MLLT1: variants seen among roughly 807,000 people sequenced by gnomAD.
The protein encoded by MLLT1 is MLLT1 super elongation complex subunit.
A neutral mutation model predicts 55.1 loss-of-function variants in MLLT1; 11 were observed. That is an observed-to-expected ratio of 0.20 (90% confidence interval 0.13 to 0.33). The LOEUF (loss-of-function observed/expected upper bound fraction) is 0.33. Ranked by LOEUF, MLLT1 falls within the 10% of genes least tolerant of loss-of-function variation. The pLI is 1.00. For missense variants in MLLT1, 536 were observed against 760.6 expected, an observed-to-expected ratio of 0.70 and a Z score of 3.47; for synonymous variants, 323 against 320.1, an observed-to-expected ratio of 1.01 and a Z score of -0.10.
At chr19:6,278,853 C>G (rs1169027440) in intron 1 of MLLT1, among the ~76,000 whole-genome samples, 4 of 152,080 alleles carry the variant, frequency 2.6e-5, no homozygotes, top group Admixed American at 2.6e-4. Flanking sequence ...GGAGAGTGAC[C>G]AGGGCCTGAA....
In MLLT1 at chr19:6,226,764, CAGGGCAA is replaced by C. The variant is rs2090960531; in HGVS notation, c.546+206_546+212del. ...GCAGGGTCTCTGGCCTCAAGATGAA[CAGGGCAA>C]AGAGCCCATGATCACGGGCTTATTC... On this transcript the variant is annotated intron_variant, in intron 5 of 11. Transcript: ENST00000252674. This position sits in a 1 kb window ranked among gnomAD's most constrained non-coding sequence, Gnocchi z 6.3. Among the ~76,000 whole-genome samples, 1 of 152,160 alleles carries C rather than the reference CAGGGCAA, an allele frequency of 6.6e-6. No homozygotes were observed. The highest frequency in any genetic ancestry group is 2.4e-5 in the African/African-American group (1 of 41,458).
chr19:6,265,097 C>T (rs2091339192), intron 2 of MLLT1, among the ~76,000 whole-genome samples: 1 of 135,722 alleles, frequency 7.4e-6, no homozygotes, highest in South Asian at 2.3e-4. Context: ...AAGCAAGCGT[C>T]CTAAAAACAT....
chr19:6,267,370 C>G (rs149881948), intron 2 of MLLT1, among the ~76,000 whole-genome samples: 3,090 of 149,890 alleles, frequency 0.021, 104 homozygotes, highest in East Asian at 0.13. Context: ...TCCCAAAGTG[C>G]TGGCATGAAC....
At chr19:6,267,380 C>T (rs1482244182) in intron 2 of MLLT1, among the ~76,000 whole-genome samples, 1 of 143,686 alleles carries the variant, frequency 7.0e-6, no homozygotes, top group East Asian at 2.1e-4. Context: ...CTGGCATGAA[C>T]CACCGCACCC....
intron 1 of MLLT1, among the ~76,000 whole-genome samples, chr19:6,274,152 C>G (rs1178107398): frequency 6.6e-6 from 1 of 152,218 alleles, no homozygotes; most frequent in Non-Finnish European, 1.5e-5. Flanking sequence ...GGGTGCCCGG[C>G]CTGCTGCACC....
intron 3 of MLLT1, among the ~76,000 whole-genome samples, chr19:6,243,663 G>GC (rs11445393): frequency 0.43 from 64,735 of 151,852 alleles, 17,726 homozygotes; most frequent in African/African-American, 0.78. Flanking sequence ...ACTCGCCCCA[G>GC]CCCCGCTTCA....
chr19:6,218,735 G>A (rs1374415790), intron 6 of MLLT1, among the ~76,000 whole-genome samples: 2 of 152,232 alleles, frequency 1.3e-5, no homozygotes, highest in South Asian at 2.1e-4. Flanking sequence ...TGCAGGGCAG[G>A]CGTGTATGGG....
At chr19:6,254,156 C>T (rs558420791) in intron 3 of MLLT1, among the ~76,000 whole-genome samples, 4 of 152,270 alleles carry the variant, frequency 2.6e-5, no homozygotes, top group Admixed American at 2.6e-4. Flanking sequence ...GGCAAAGGGG[C>T]TGGAAATTTA....
chr19:6,221,505 C>T (rs1265452356), intron 6 of MLLT1, among the ~76,000 whole-genome samples: 1 of 152,200 alleles, frequency 6.6e-6, no homozygotes, highest in African/African-American at 2.4e-5. Context: ...CAGGGGTCCT[C>T]GTTCCAAGCT....
At position 6,230,511 on chromosome 19, in the gene MLLT1, C is replaced by A; in HGVS notation, c.420+59G>T. 6.3e-7 allele frequency: 1 copy of A among 1,596,062 alleles called. No homozygotes were observed. ...ACACCTCTGGCTGGGCACAGACGGC[C>A]GCAGCAAAGTAGCCTCGGTGGAGCG... On this transcript the variant is annotated intron_variant, in intron 4 of 11. Coordinates refer to ENST00000252674, the MANE Select transcript of MLLT1 (RefSeq NM_005934.4). The surrounding 1 kb of genome is among the most constrained non-coding windows in gnomAD (Gnocchi z 9.0).
intron 3 of MLLT1, among the ~76,000 whole-genome samples, chr19:6,246,409 A>G (rs1600198991): frequency 6.6e-6 from 1 of 152,268 alleles, no homozygotes; most frequent in East Asian, 1.9e-4. Context: ...GTGAACGAAT[A>G]AACAAACCGT....
At chr19:6,274,629 G>A (rs535150125) in intron 1 of MLLT1, among the ~76,000 whole-genome samples, 2 of 152,262 alleles carry the variant, frequency 1.3e-5, no homozygotes, top group African/African-American at 2.4e-5. Context: ...TGGAATAGAC[G>A]GCTGGAAATG....
rs1250221317 is a variant in MLLT1 at position 6,270,024 on chromosome 19, C to A, written c.193+555G>T. ...TCCCTGATCATAAACTGGGTGACTT[C>A]CTGCCTGTGCCCCGTCACACTGCAC... is the stretch of plus-strand genomic sequence containing the variant. On this transcript the variant is annotated intron_variant, in intron 2 of 11. Transcript: ENST00000252674. This position sits in a 1 kb window ranked among gnomAD's most constrained non-coding sequence, Gnocchi z 7.1. Among the ~76,000 whole-genome samples, 1 of 152,156 alleles carries A rather than the reference C, an allele frequency of 6.6e-6. No homozygotes were observed. The highest frequency in any genetic ancestry group is 1.5e-5 in the Non-Finnish European group (1 of 68,026).
chr19:6,259,567 C>T (rs1281206908), intron 3 of MLLT1: 2 of 152,244 alleles, frequency 1.3e-5, no homozygotes, highest in African/African-American at 4.8e-5. Flanking sequence ...ACCTGCATCC[C>T]TGGACCTTGC....
intron 8 of MLLT1, among the ~76,000 whole-genome samples, chr19:6,214,958 ACT>A (rs2090824721): frequency 6.6e-6 from 1 of 151,064 alleles, no homozygotes; most frequent in African/African-American, 2.4e-5. Context: ...GGCTGGGGCC[ACT>A]CTCTGCAGCT....
Position 6,212,632 on chromosome 19 carries a change from A to G in MLLT1, c.*410T>C. 1 of 1,116,998 alleles carries G rather than the reference A, an allele frequency of 9.0e-7. No individual in the cohort carries two copies. Among genetic ancestry groups the G allele is most frequent in the South Asian group, 3.5e-5 (1 of 28,814 alleles). The allele number at this position is 1,116,998 out of a possible 1,614,324, so 69.2% of individuals were successfully genotyped here. ...GTGGGCGGAGGGTGTGTTCTGAACC[A>G]TTCGGGAGGCTGGAGATGCCCCCCA... On this transcript the variant is annotated 3_prime_UTR_variant, in exon 12 of 12. Transcript: ENST00000252674.
intron 3 of MLLT1, among the ~76,000 whole-genome samples, chr19:6,244,096 A>C (rs75342878): frequency 0.065 from 9,831 of 150,190 alleles, 558 homozygotes; most frequent in East Asian, 0.14. Context: ...AGAGAACCCA[A>C]CCGACCCTTT....
intron 3 of MLLT1, among the ~76,000 whole-genome samples, chr19:6,255,999 A>C (rs1412489100): frequency 6.6e-6 from 1 of 151,928 alleles, no homozygotes; most frequent in Non-Finnish European, 1.5e-5. Context: ...CAGGTAGATC[A>C]CCTGAGGTCA....
Position 6,230,078 on chromosome 19 carries a change from A to C in MLLT1, c.420+492T>G, listed in dbSNP as rs984357083. Among the ~76,000 whole-genome samples, 4 of 151,928 alleles carry C rather than the reference A, an allele frequency of 2.6e-5. No homozygotes were observed. Among genetic ancestry groups the C allele is most frequent in the African/African-American group, 9.7e-5 (4 of 41,332 alleles). On this transcript the variant is annotated intron_variant, in intron 4 of 11. Coordinates refer to ENST00000252674, the MANE Select transcript of MLLT1 (RefSeq NM_005934.4). This position sits in a 1 kb window ranked among gnomAD's most constrained non-coding sequence, Gnocchi z 9.0. ...CCAAGAGCCCTCGTGGGGAACTCTG[A>C]GCCCCCACAGGGTCCGGAGGGCTCG...
Sources: gnomAD v4.1 joint callset for allele counts (sites outside exome capture counted in the v4.1 genomes callset) on GRCh38, gnomAD v4.1.1 for gene constraint, Gnocchi (gnomAD v3.1) non-coding constraint, MANE v1.5 for transcripts, NCBI Gene and HGNC (gene_info 2026-07-23, HGNC 2026-07-21) for gene names.